Variants in COL17A1 observed in about 807,000 individuals in gnomAD.
COL17A1 encodes the protein collagen type XVII alpha 1 chain.
A neutral mutation model predicts 218.4 loss-of-function variants in COL17A1; 181 were observed. That is an observed-to-expected ratio of 0.83 (90% confidence interval 0.73 to 0.94). The LOEUF (loss-of-function observed/expected upper bound fraction) is 0.94. Ranked by LOEUF, COL17A1 falls within the 40% of genes least tolerant of loss-of-function variation. COL17A1 has a pLI of 0.00. For missense variants in COL17A1, 1,924 were observed against 1,945.9 expected, an observed-to-expected ratio of 0.99 and a Z score of 0.21; for synonymous variants, 721 against 731.0, an observed-to-expected ratio of 0.99 and a Z score of 0.22.
intron 34 of COL17A1, 120 bp from the exon 35 acceptor site, chr10:104,043,701 C>T: frequency 6.6e-7 from 1 of 1,507,640 alleles, no homozygotes. Flanking sequence ...GCTAAATTTC[C>T]CTCCTCCCCC....
At position 104,050,875 on chromosome 10, in the gene COL17A1, C is replaced by G; in HGVS notation, c.2065G>C (p.Gly689Arg). The change falls in exon 26 of 56, where the codon GGT (glycine) becomes CGT (arginine). Residue 689 changes from glycine (G) to arginine (R), a missense_variant. Physicochemically the swap from Gly to Arg is moderately radical, Grantham distance 125. Transcript: ENST00000648076. ...PGPVGLQGLRGEVGLPGVKGD... is the reference protein window; with the variant it reads ...PGPVGLQGLRREVGLPGVKGD... The stretch of plus-strand genomic sequence containing the variant: ...TTGACACCAGGAAGTCCTACTTCAC[C>G]TCGGAGCCCTTGGAGACCTACAGGA... 1 of 1,614,194 alleles carries G rather than the reference C, an allele frequency of 6.2e-7. No homozygotes were observed. The highest frequency in any genetic ancestry group is 8.5e-7 in the Non-Finnish European group (1 of 1,180,038).
rs776894251 is a variant in COL17A1, at chr10:104,035,391, G to A, written c.3509-18C>T. On this transcript the variant is annotated intron_variant, in intron 49 of 55. Coordinates refer to ENST00000648076, the MANE Select transcript of COL17A1 (RefSeq NM_000494.4). ...TTCAGACCCTGAGACACCAAGGGAG[G>A]GCACGGAGTCAGTCCTGGCCTGGGC... The A allele has an allele frequency of 8.1e-6, 13 of 1,613,694 alleles. No homozygotes were observed. The highest frequency in any genetic ancestry group is 1.1e-5 in the Non-Finnish European group (13 of 1,179,640).
Position 104,039,443 on chromosome 10 carries a change from A to T in COL17A1, c.2896+2T>A, listed in dbSNP as rs1332391482. On this transcript the variant is annotated splice_donor_variant, in intron 43 of 55. Transcript: ENST00000648076. LOFTEE classifies it high-confidence loss of function. ...CCACCTTCTCACTGCTCCCTCACTG[A>T]CCTTTGTCACCTTTGGGTCCCTGGG... is the stretch of plus-strand genomic sequence containing the variant. 1 of 1,613,606 alleles carries T rather than the reference A, an allele frequency of 6.2e-7. No individual in the cohort carries two copies. The highest frequency in any genetic ancestry group is 2.2e-5 in the East Asian group (1 of 44,872).
rs1317911209 is a variant in COL17A1 at position 104,060,246 on chromosome 10, C to G, written c.1014G>C (p.Leu338Phe). The change falls in exon 14 of 56, where the codon TTG (leucine) becomes TTC (phenylalanine). Residue 338 changes from leucine (L) to phenylalanine (F), a missense_variant. Coordinates refer to ENST00000648076, the MANE Select transcript of COL17A1 (RefSeq NM_000494.4). Reference protein sequence around the residue: ...CTTSVQSDDLLHKDCKFLILE... With the variant: ...CTTSVQSDDLFHKDCKFLILE... Reference sequence around the variant, plus strand: ...GGATCAGGAACTTGCAGTCCTTGTGCAAAAGGTCATCGCTCTGCACACTTG... The same window carrying G: ...GGATCAGGAACTTGCAGTCCTTGTGGAAAAGGTCATCGCTCTGCACACTTG... 28 of 1,614,016 alleles carry G rather than the reference C, an allele frequency of 1.7e-5. No individual in the cohort carries two copies. The highest frequency in any genetic ancestry group is 5.3e-5 in the African/African-American group (4 of 74,980).
At chr10:104,043,439 G>T (rs1411668832) in intron 35 of COL17A1, 62 bp downstream of exon 35, 39 of 1,430,504 alleles carry the variant, frequency 2.7e-5, no homozygotes, top group Non-Finnish European at 3.4e-5. Flanking sequence ...AAGAAATATG[G>T]CTAGAGTCAC....
At chr10:104,069,669 T>C (rs554900387) in intron 9 of COL17A1, among the ~76,000 whole-genome samples, 2 of 152,106 alleles carry the variant, frequency 1.3e-5, no homozygotes, top group South Asian at 4.1e-4. Context: ...TTTTAAGAAA[T>C]CATATACTGG....
At chr10:104,037,879 A>C in intron 45 of COL17A1, 106 bp from the exon 46 acceptor site, 2 of 1,415,346 alleles carry the variant, frequency 1.4e-6, no homozygotes, top group Non-Finnish European at 1.9e-6. Flanking sequence ...CGCCCCACAC[A>C]TGGGCCCAAG....
Position 104,034,075 on chromosome 10 carries a change from G to C in COL17A1, c.4026C>G (p.Gly1342=). 1 of 1,614,082 alleles carries C rather than the reference G, an allele frequency of 6.2e-7. No homozygotes were observed. The highest frequency in any genetic ancestry group is 1.1e-5 in the South Asian group (1 of 91,080). The change falls in exon 52 of 56, where the codon GGC becomes GGG. Residue 1342 remains glycine (G), a synonymous_variant. Coordinates refer to ENST00000648076, the MANE Select transcript of COL17A1 (RefSeq NM_000494.4). Reference sequence around the variant, plus strand: ...CTGCTGCCCCATAGCCTCCGCCTGGGCCGATGTCAGTGCCATAGGGACCCC... The same window carrying C: ...CTGCTGCCCCATAGCCTCCGCCTGGCCCGATGTCAGTGCCATAGGGACCCC... ...GDRGPYGTDI[G]PGGGYGAAAE... is the part of the protein sequence containing the mutation.
rs1338117415 is a variant in COL17A1, at chr10:104,035,631, G to A, written c.3419-68C>T. 12 of 1,257,564 alleles carry A rather than the reference G, an allele frequency of 9.5e-6. No homozygotes were observed. In the East Asian group the frequency reaches 2.4e-4, roughly 26 times the overall value. 77.9% of individuals were successfully genotyped at this position (1,257,564 alleles called of 1,614,324 possible). A position where few individuals can be genotyped will look rare whatever the true frequency, so the allele number is the denominator to read the frequency against. ...GGAAACACCTGTCAGAGAGGAGGTC[G>A]GATACAGAAGAGGTTTGGACAGAAG... On this transcript the variant is annotated intron_variant, in intron 48 of 55. Transcript: ENST00000648076.
chr10:104,037,705 C>T lies in COL17A1; in HGVS notation c.3139G>A (p.Val1047Ile). The T allele has an allele frequency of 2.5e-6, 4 of 1,614,182 alleles. No individual in the cohort carries two copies. The South Asian group carries it at 4.4e-5, about 18-fold the overall frequency. Residue 1047 changes from valine to isoleucine, a missense_variant, in exon 46 of 56, where the codon GTC becomes ATC. Coordinates refer to ENST00000648076, the MANE Select transcript of COL17A1 (RefSeq NM_000494.4). ...AAAGTCTCGCCTGTGATGGTGGTGA[C>T]AGGTCCTGGGGGACCAGGTGGGCCT... ...PPGPPGPPGP[V>I]TTITGETFDY...
intron 38 of COL17A1, 40 bp from the exon 39 acceptor site, chr10:104,041,158 G>C: frequency 6.2e-7 from 1 of 1,611,766 alleles, no homozygotes; most frequent in Non-Finnish European, 8.5e-7. Flanking sequence ...GTGCCAAGAG[G>C]GGAGCCAGGA....
rs766323094 is a variant in COL17A1, at chr10:104,048,118, A to G, written c.2228-14T>C. Reference sequence around the variant, plus strand: ...GGCCAGCAGGACCTGGTAAAGTAGAAGCAAGGTCTCTCAGTTGCTCCTGGA... The same window carrying G: ...GGCCAGCAGGACCTGGTAAAGTAGAGGCAAGGTCTCTCAGTTGCTCCTGGA... On this transcript the variant is annotated splice_polypyrimidine_tract_variant and intron_variant, in intron 29 of 55. Transcript: ENST00000648076. 5.6e-6 allele frequency: 9 copies of G among 1,614,010 alleles called. No homozygotes were observed. The Admixed American group carries it at 1.5e-4, about 27-fold the overall frequency.
At chr10:104,051,619 G>T in intron 24 of COL17A1, 103 bp from the exon 25 acceptor site, 1 of 1,420,538 alleles carries the variant, frequency 7.0e-7, no homozygotes, top group Non-Finnish European at 9.8e-7. Flanking sequence ...TGTCTTCCAG[G>T]TGAGGGCTGT....
Position 104,064,737 on chromosome 10 carries a change from A to G in COL17A1, c.608-141T>C. 1.6e-5 allele frequency: 13 copies of G among 804,140 alleles called. No individual in the cohort carries two copies. In the South Asian group the frequency reaches 1.8e-4, roughly 11 times the overall value. The allele number at this position is 804,140 out of a possible 1,614,324, so 49.8% of individuals were successfully genotyped here. On this transcript the variant is annotated intron_variant, in intron 9 of 55. Transcript: ENST00000648076. ...TTTCAGGAACTTTCTCAGTCCAGGA[A>G]CCTGGGGTAGTTTCCATCTGAAATC...
chr10:104,074,278 T>C, intron 5 of COL17A1, 47 bp from the exon 6 acceptor site: 1 of 1,613,932 alleles, frequency 6.2e-7, no homozygotes, highest in Non-Finnish European at 8.5e-7. Context: ...CTTAGGCCCA[T>C]AAAGCTTCCA....
chr10:104,062,447 C>T (rs1372669599), intron 11 of COL17A1, 118 bp from the exon 12 acceptor site: 5 of 1,370,082 alleles, frequency 3.6e-6, no homozygotes, highest in Non-Finnish European at 4.1e-6. Flanking sequence ...AACAGATTCC[C>T]AAACTTCCTC....
chr10:104,079,484 GCTA>G (rs2086744370), intron 2 of COL17A1, among the ~76,000 whole-genome samples: 1 of 152,162 alleles, frequency 6.6e-6, no homozygotes, highest in Non-Finnish European at 1.5e-5. Flanking sequence ...ATCATTTTGT[GCTA>G]CTTTCAGCTG....
At chr10:104,075,908 C>T (rs1285148579) in intron 5 of COL17A1, among the ~76,000 whole-genome samples, 2 of 152,238 alleles carry the variant, frequency 1.3e-5, no homozygotes, top group Non-Finnish European at 2.9e-5. Flanking sequence ...TCCCCGATTT[C>T]CTCAGCTTAA....
intron 46 of COL17A1, among the ~76,000 whole-genome samples, 199 bp downstream of exon 46, chr10:104,037,437 T>C (rs977283294): frequency 1.3e-5 from 2 of 152,150 alleles, no homozygotes; most frequent in African/African-American, 4.8e-5. Context: ...ACTCGGTGTC[T>C]CTCCAGCGTG....
Sources: gnomAD v4.1 joint callset for allele counts (sites outside exome capture counted in the v4.1 genomes callset) on GRCh38, gnomAD v4.1.1 for gene constraint, MANE v1.5 for transcripts, NCBI Gene and HGNC (gene_info 2026-07-23, HGNC 2026-07-21) for gene names.